Variants in ZFHX3 observed in about 807,000 individuals in gnomAD.
The protein encoded by ZFHX3 is zinc finger homeobox 3, also known as zinc finger homeobox protein 3.
Under a neutral mutation model 279.1 loss-of-function variants are expected in ZFHX3, and 42 were observed. The observed-to-expected ratio is 0.15, with a 90% confidence interval of 0.12 to 0.19. The LOEUF (loss-of-function observed/expected upper bound fraction) is 0.19, where lower values mean the gene tolerates loss of function less well. ZFHX3 is among the 10% of genes least tolerant of loss of function. The pLI is 1.00. For missense variants in ZFHX3, 4,981 were observed against 4,754.0 expected, an observed-to-expected ratio of 1.05 and a Z score of -1.40; for synonymous variants, 2,293 against 1,957.8, an observed-to-expected ratio of 1.17 and a Z score of -4.52.
chr16:73,195,779 G>T (rs1968133229), intron 5 of ZFHX3, among the ~76,000 whole-genome samples: 1 of 152,124 alleles, frequency 6.6e-6, no homozygotes, highest in Admixed American at 6.5e-5. Flanking sequence ...GACAGGTAAA[G>T]GTTGGTGAAG....
At chr16:72,836,328 T>TGTA (rs200973418) in intron 4 of ZFHX3, among the ~76,000 whole-genome samples, 5,016 of 152,246 alleles carry the variant, frequency 0.033, 593 homozygotes, top group East Asian at 0.28. Context: ...AGACCCAGAA[T>TGTA]GTAGCAACCT....
chr16:73,277,781 C>G lies in ZFHX3; in HGVS notation c.-1193-20645G>C, dbSNP rs568781594. Among the ~76,000 whole-genome samples, 3 of 152,132 alleles carry G rather than the reference C, an allele frequency of 2.0e-5. No homozygotes were observed. The East Asian group carries it at 5.8e-4, about 29-fold the overall frequency. On this transcript the variant is annotated intron_variant, in intron 4 of 17. Coordinates refer to the ZFHX3 transcript ENST00000641206. Reference sequence around the variant, plus strand: ...TTAAAGAAAAGAGGTTTAGTTGGCTCACGGTTCTGCAGGCTGTACAGGAAA... The same window carrying G: ...TTAAAGAAAAGAGGTTTAGTTGGCTGACGGTTCTGCAGGCTGTACAGGAAA...
chr16:73,010,435 G>A (rs1367646592), intron 1 of ZFHX3, among the ~76,000 whole-genome samples: 1 of 152,356 alleles, frequency 6.6e-6, no homozygotes, highest in East Asian at 1.9e-4. Flanking sequence ...GTGCAAAGGG[G>A]AAAGTGGGCC....
intron 4 of ZFHX3, among the ~76,000 whole-genome samples, chr16:72,855,528 G>A (rs186758402): frequency 7.9e-5 from 12 of 152,282 alleles, no homozygotes; most frequent in Admixed American, 1.3e-4. Flanking sequence ...CAGAGACAGA[G>A]GAACGAAAAC....
intron 3 of ZFHX3, among the ~76,000 whole-genome samples, chr16:73,439,678 C>T (rs1357437282): frequency 1.3e-5 from 2 of 151,984 alleles, no homozygotes; most frequent in Admixed American, 6.6e-5. Context: ...TGTTAGTCCA[C>T]GTGGTCATCC....
intron 1 of ZFHX3, among the ~76,000 whole-genome samples, chr16:73,724,789 A>C (rs1160089241): frequency 6.6e-6 from 1 of 152,194 alleles, no homozygotes; most frequent in Non-Finnish European, 1.5e-5. Context: ...AAAGCAAACC[A>C]AACAGAAAGA....
chr16:73,483,350 A>AC lies in ZFHX3; in HGVS notation c.-1546-27093_-1546-27092insG, dbSNP rs1190959596. On this transcript the variant is annotated intron_variant, in intron 2 of 17. Transcript: ENST00000641206. ...GCGAGTGAGAGACAGAGAGAGAGAG[A>AC]AAGAGAGAGAGAGAGAGAGTTCCTC... is the stretch of plus-strand genomic sequence containing the variant. 5 of 422,718 alleles carry AC rather than the reference A, an allele frequency of 1.2e-5. No individual in the cohort carries two copies. In the Admixed American group the frequency reaches 1.3e-4, roughly 11 times the overall value. The allele number at this position is 422,718 out of a possible 1,614,324, so 26.2% of individuals were successfully genotyped here. A position where few individuals can be genotyped will look rare whatever the true frequency, so the allele number is the denominator to read the frequency against.
rs2013039941 is a variant in ZFHX3 at position 73,239,054 on chromosome 16, G to C, written c.-1104+17993C>G. Among the ~76,000 whole-genome samples, 3 of 152,156 alleles carry C rather than the reference G, an allele frequency of 2.0e-5. No homozygotes were observed. In the South Asian group the frequency reaches 6.2e-4, roughly 32 times the overall value. ...TGACCATGAGACACATGGAGGCAGA[G>C]ACCGTGCCCTTCATCCCTGTCTTCC... On this transcript the variant is annotated intron_variant, in intron 5 of 17. Coordinates refer to the ZFHX3 transcript ENST00000641206.
chr16:72,895,191 G>A (rs1414200593), intron 3 of ZFHX3, among the ~76,000 whole-genome samples: 1 of 152,200 alleles, frequency 6.6e-6, no homozygotes, highest in African/African-American at 2.4e-5. Flanking sequence ...TAACCTGCAG[G>A]TGATGCAGGC....
At chr16:73,474,344 T>A (rs956150733) in intron 2 of ZFHX3, among the ~76,000 whole-genome samples, 1 of 152,134 alleles carries the variant, frequency 6.6e-6, no homozygotes, top group Admixed American at 6.5e-5. Flanking sequence ...GATGGAGGTT[T>A]CACCATATTG....
rs1246082004 is a variant in ZFHX3 at position 72,785,727 on chromosome 16, G to A, written c.*1437C>T. ...TTTTTTTAGAAAAGAAAAGTACACA[G>A]CCAATTACACAAATGGAAACAAATC... On this transcript the variant is annotated 3_prime_UTR_variant, in exon 10 of 10. Coordinates refer to ENST00000268489, the MANE Select transcript of ZFHX3 (RefSeq NM_006885.4). 2 of 150,354 alleles carry A rather than the reference G, an allele frequency of 1.3e-5. No individual in the cohort carries two copies. Among genetic ancestry groups the A allele is most frequent in the African/African-American group, 4.9e-5 (2 of 40,924 alleles). 9.3% of individuals were successfully genotyped at this position (150,354 alleles called of 1,614,324 possible). A position where few individuals can be genotyped will look rare whatever the true frequency, so the allele number is the denominator to read the frequency against.
At chr16:72,891,984 A>G (rs544537690) in intron 3 of ZFHX3, among the ~76,000 whole-genome samples, 1 of 152,350 alleles carries the variant, frequency 6.6e-6, no homozygotes, top group African/African-American at 2.4e-5. Flanking sequence ...GACACTGACA[A>G]GCTAGAATGG....
At chr16:73,818,493 C>T (rs1032696535) in intron 1 of ZFHX3, among the ~76,000 whole-genome samples, 3 of 152,164 alleles carry the variant, frequency 2.0e-5, no homozygotes, top group African/African-American at 7.2e-5. Flanking sequence ...ATGATATCAA[C>T]CAAAGCTCCT....
chr16:72,934,004 G>T (rs889411348), intron 3 of ZFHX3, among the ~76,000 whole-genome samples: 1 of 151,922 alleles, frequency 6.6e-6, no homozygotes, highest in Non-Finnish European at 1.5e-5. Context: ...ATTTTTAGTA[G>T]AGATGGGGTT....
chr16:73,546,660 G>C, intron 2 of ZFHX3, among the ~76,000 whole-genome samples: 1 of 147,698 alleles, frequency 6.8e-6, no homozygotes, highest in East Asian at 2.0e-4. Flanking sequence ...AAAAAGCTTT[G>C]GGTGCTGCTG....
chr16:72,890,269 A>G (rs1396935703), intron 3 of ZFHX3, among the ~76,000 whole-genome samples: 1 of 152,088 alleles, frequency 6.6e-6, no homozygotes, highest in Non-Finnish European at 1.5e-5. Flanking sequence ...ATAGTTTTAT[A>G]AGGGGCTTTT....
intron 1 of ZFHX3, chr16:73,809,360 G>A (rs1312438862): frequency 1.3e-5 from 2 of 152,240 alleles, no homozygotes; most frequent in African/African-American, 4.8e-5. Flanking sequence ...AGGTGCCACT[G>A]TGTGGAAGCC....
chr16:73,814,379 A>G (rs1429414067), intron 1 of ZFHX3, among the ~76,000 whole-genome samples: 1 of 152,146 alleles, frequency 6.6e-6, no homozygotes, highest in East Asian at 1.9e-4. Context: ...ATAGCCAATC[A>G]CAGCTTTCAG....
chr16:73,857,023 A>C (rs1961748902), intron 1 of ZFHX3, among the ~76,000 whole-genome samples: 1 of 152,202 alleles, frequency 6.6e-6, no homozygotes, highest in African/African-American at 2.4e-5. Flanking sequence ...TGCCGAGGTA[A>C]TTCCTTCAGC....
Sources: allele counts gnomAD v4.1 joint callset (sites outside exome capture counted in the v4.1 genomes callset), GRCh38; gene constraint gnomAD v4.1.1; transcripts MANE v1.5; gene names NCBI Gene and HGNC (gene_info 2026-07-23, HGNC 2026-07-21).